The following LAMA1 variants were observed in gnomAD, a reference collection of about 807,000 sequenced individuals.
LAMA1 encodes the protein laminin subunit alpha 1.
In LAMA1, 219 loss-of-function variants were observed where a neutral mutation model predicts 348.7. The ratio of observed to expected loss-of-function variants is 0.63; its 90% CI spans 0.56 to 0.70. The LOEUF (loss-of-function observed/expected upper bound fraction) is 0.70. Ranked by LOEUF, LAMA1 falls within the 30% of genes least tolerant of loss-of-function variation. The pLI is 0.00. For missense variants in LAMA1, 3,744 were observed against 3,888.0 expected (o/e 0.96, Z 0.99); for synonymous variants, 1,487 against 1,491.0 (o/e 1.00, Z 0.06).
intron 1 of LAMA1, among the ~76,000 whole-genome samples, chr18:7,102,461 C>T (rs1471082769): frequency 1.3e-5 from 2 of 152,050 alleles, no homozygotes; most frequent in South Asian, 2.1e-4. Context: ...AATATCACTA[C>T]TCAGCAAATG....
intron 48 of LAMA1, among the ~76,000 whole-genome samples, chr18:6,967,995 C>CACTT (rs2057641413): frequency 6.6e-6 from 1 of 152,144 alleles, no homozygotes; most frequent in Admixed American, 6.5e-5. Flanking sequence ...CCATGTCAGT[C>CACTT]ACTTCCCTGA....
intron 1 of LAMA1, among the ~76,000 whole-genome samples, chr18:7,100,871 G>A (rs760258829): frequency 4.6e-5 from 7 of 152,120 alleles, no homozygotes; most frequent in Non-Finnish European, 8.8e-5. Context: ...TTAGCCAGGG[G>A]TGGTGGCAGG....
rs2057860330 is a variant in LAMA1 at position 7,011,476 on chromosome 18, T to C, written c.3511A>G (p.Thr1171Ala). The change falls in exon 25 of 63, where the codon ACG (threonine) becomes GCG (alanine). Residue 1171 changes from threonine to alanine, a missense_variant. By Grantham distance (58) the Thr-to-Ala change is moderately conservative (BLOSUM62 0). Around this residue, in one of 3 missense-constraint regions of LAMA1, gnomAD observed 1,529 missense variants for 1,689.4 expected, o/e 0.91. Coordinates refer to ENST00000389658, the MANE Select transcript of LAMA1 (RefSeq NM_005559.4). The part of the protein sequence containing the change: ...ELEDYVRTPV[T>A]LGSDQPLLRV... ...AGAAGAGGCTGATCGGAGCCCAGCGTTACCTAAACCACGAAAGGAGGGGAA... is the reference window on the plus strand; with the variant it reads ...AGAAGAGGCTGATCGGAGCCCAGCGCTACCTAAACCACGAAAGGAGGGGAA... 6.2e-7 allele frequency: 1 copy of C among 1,602,630 alleles called. No homozygotes were observed. Among genetic ancestry groups the C allele is most frequent in the Non-Finnish European group, 8.5e-7 (1 of 1,174,866 alleles).
At chr18:7,075,885 C>T (rs988816754) in intron 3 of LAMA1, among the ~76,000 whole-genome samples, 3 of 151,338 alleles carry the variant, frequency 2.0e-5, no homozygotes, top group Non-Finnish European at 4.4e-5. Flanking sequence ...TGCAGTGAGC[C>T]GAGATCACGC....
chr18:6,971,881 C>T lies in LAMA1; in HGVS notation c.6875G>A (p.Gly2292Asp), dbSNP rs763540629. ...IGLWNYIERE[G>D]KCRGCFGSSQ... The stretch of plus-strand genomic sequence containing the variant: ...CCTTCCGAAGCACCCACGGCACTTG[C>T]CTTCCCTTTCAATATAGTTCCATAG... The change falls in exon 48 of 63, where the codon GGC becomes GAC. Residue 2292 changes from glycine to aspartate, a missense_variant. Transcript: ENST00000389658. 1 of 1,614,062 alleles carries T rather than the reference C, an allele frequency of 6.2e-7. No homozygotes were observed. Among genetic ancestry groups the T allele is most frequent in the African/African-American group, 1.3e-5 (1 of 75,000 alleles).
At position 6,992,607 on chromosome 18, in the gene LAMA1, T is replaced by C. The variant is rs1343781157; in HGVS notation, c.5122A>G (p.Ile1708Val). Residue 1708 changes from isoleucine to valine, a missense_variant, in exon 36 of 63, where the codon ATA becomes GTA. Ile to Val is a conservative substitution (Grantham distance 29, BLOSUM62 3). This residue lies in a region of LAMA1 where 1,983 missense variants were observed against 1,934.3 expected (regional missense o/e 1.03). Coordinates refer to ENST00000389658, the MANE Select transcript of LAMA1 (RefSeq NM_005559.4). ...NGTSLLEIMQIRDFTQLHQNA... is the reference protein window; with the variant it reads ...NGTSLLEIMQVRDFTQLHQNA... ...TGGTGCAACTGTGTGAAGTCTCTTA[T>C]CTGCATGATTTCTAGCAAAGATGTA... The C allele has an allele frequency of 2.5e-6, 4 of 1,614,110 alleles. No individual in the cohort carries two copies. The highest frequency in any genetic ancestry group is 3.4e-6 in the Non-Finnish European group (4 of 1,180,030).
Position 7,007,167 on chromosome 18 carries a change from G to A in LAMA1, c.4232C>T (p.Thr1411Ile), listed in dbSNP as rs576114894. 27 of 1,614,168 alleles carry A rather than the reference G, an allele frequency of 1.7e-5. 1 individual carries two copies. In the South Asian group the frequency reaches 3.0e-4, roughly 18 times the overall value. Residue 1411 changes from threonine (T) to isoleucine (I), a missense_variant, in exon 29 of 63, where the codon ACC becomes ATC. By Grantham distance (89) the Thr-to-Ile change is moderately conservative (BLOSUM62 -1). This residue lies in a region of LAMA1 where 1,983 missense variants were observed against 1,934.3 expected (regional missense o/e 1.03). Transcript: ENST00000389658. Reference protein sequence around the residue: ...VPCSCNNHSDTCDPNTGKCLN... With the variant: ...VPCSCNNHSDICDPNTGKCLN... ...ACACTTCCCGGTGTTGGGGTCACAG[G>A]TGTCACTGTGGTTGTTGCAACTGCA... is the stretch of plus-strand genomic sequence containing the variant.
chr18:6,983,499 C>T (rs905713238), intron 39 of LAMA1, among the ~76,000 whole-genome samples: 3 of 152,166 alleles, frequency 2.0e-5, no homozygotes, highest in Admixed American at 6.6e-5. Context: ...TTCCCTTAGA[C>T]GACCATTCAT....
intron 15 of LAMA1, 116 bp from the exon 16 acceptor site, chr18:7,032,292 A>T (rs182945636): frequency 1.4e-6 from 1 of 724,436 alleles, no homozygotes; most frequent in Admixed American, 2.0e-5. Context: ...TATCATTTAC[A>T]TGCTACACAA....
chr18:6,955,264 G>T (rs2057569878), intron 57 of LAMA1, 89 bp downstream of exon 57: 1 of 1,001,278 alleles, frequency 1.0e-6, no homozygotes, highest in Non-Finnish European at 1.5e-6. Context: ...AATAAAAGCA[G>T]GTTCTTTTGG....
chr18:6,977,404 C>T (rs2057687463), intron 44 of LAMA1, among the ~76,000 whole-genome samples: 2 of 152,204 alleles, frequency 1.3e-5, no homozygotes, highest in African/African-American at 2.4e-5. Context: ...GATGTTAACA[C>T]GTAGATTTGA....
At chr18:7,022,379 G>A (rs371293461) in intron 19 of LAMA1, among the ~76,000 whole-genome samples, 5 of 152,170 alleles carry the variant, frequency 3.3e-5, no homozygotes, top group Admixed American at 3.3e-4. Flanking sequence ...GCCAGTCAAG[G>A]TGGCCACCTG....
intron 45 of LAMA1, 30 bp from the exon 46 acceptor site, chr18:6,975,066 T>C (rs761830880): frequency 3.7e-6 from 6 of 1,609,992 alleles, no homozygotes; most frequent in Non-Finnish European, 5.1e-6. Context: ...CGGGGATCAG[T>C]TTACACACTG....
At chr18:7,112,951 AAGT>A (rs1401676402) in intron 1 of LAMA1, among the ~76,000 whole-genome samples, 1 of 152,176 alleles carries the variant, frequency 6.6e-6, no homozygotes, top group Non-Finnish European at 1.5e-5. Context: ...AATATTTTTA[AAGT>A]TACTTGATTC....
At position 6,959,330 on chromosome 18, in the gene LAMA1, C is replaced by T. The variant is rs61608269; in HGVS notation, c.7778+11G>A. On this transcript the variant is annotated intron_variant, in intron 54 of 62. Coordinates refer to ENST00000389658, the MANE Select transcript of LAMA1 (RefSeq NM_005559.4). Reference sequence around the variant, plus strand: ...ACCTTCATTACACACTGCCTGGCCGCGTGCAAGTACCTCCGATTCCTGACC... The same window carrying T: ...ACCTTCATTACACACTGCCTGGCCGTGTGCAAGTACCTCCGATTCCTGACC... 2,617 of 1,614,010 alleles carry T rather than the reference C, an allele frequency of 1.6e-3. 37 individuals are homozygous for T. In the African/African-American group the frequency reaches 0.027, roughly 17 times the overall value.
At position 7,024,387 on chromosome 18, in the gene LAMA1, AC is replaced by A; in HGVS notation, c.2481del (p.Trp827CysfsTer45). 1 of 1,613,870 alleles carries A rather than the reference AC, an allele frequency of 6.2e-7. No homozygotes were observed. The highest frequency in any genetic ancestry group is 8.5e-7 in the Non-Finnish European group (1 of 1,179,816). Reference protein sequence around the residue: ...DWCAPGYSGAWCERCADGYYG... With the variant: ...DWCAPGYSGAXCERCADGYYG... ...CCAGTGGATGCAGAGTACCTCTCAC[AC>A]CAAGCTCCTGAGTAGCCCGGGGCAC... is the stretch of plus-strand genomic sequence containing the variant. On this transcript the variant is annotated frameshift_variant, in exon 18 of 63. Transcript: ENST00000389658. LOFTEE classifies it high-confidence loss of function.
chr18:7,077,199 C>CTTTTTTTTTTT (rs71165719), intron 3 of LAMA1, among the ~76,000 whole-genome samples: 18 of 119,784 alleles, frequency 1.5e-4, no homozygotes, highest in African/African-American at 3.2e-4. Context: ...CTGTTCTTTT[C>CTTTTTTTTTTT]TTTTTTTTTT....
rs770139495 is a variant in LAMA1 at position 7,007,150 on chromosome 18, C to T, written c.4249G>A (p.Gly1417Arg). 20 of 1,613,928 alleles carry T rather than the reference C, an allele frequency of 1.2e-5. No homozygotes were observed. Among genetic ancestry groups the T allele is most frequent in the Admixed American group, 1.0e-4 (6 of 59,982 alleles). The change falls in exon 29 of 63, where the codon GGG becomes AGG. Residue 1417 changes from glycine to arginine, a missense_variant. By Grantham distance (125) the Gly-to-Arg change is moderately radical. Coordinates refer to ENST00000389658, the MANE Select transcript of LAMA1 (RefSeq NM_005559.4). ...NHSDTCDPNT[G>R]KCLNCGDNTA... Reference sequence around the variant, plus strand: ...ACAAACCAGCATACCAGACACTTCCCGGTGTTGGGGTCACAGGTGTCACTG... The same window carrying T: ...ACAAACCAGCATACCAGACACTTCCTGGTGTTGGGGTCACAGGTGTCACTG...
rs1401583893 is a variant in LAMA1, at chr18:7,043,246, C to T, written c.1136G>A (p.Gly379Glu). The change falls in exon 8 of 63, where the codon GGA (glycine) becomes GAA (glutamate). Residue 379 changes from glycine (G) to glutamate (E), a missense_variant. Gly to Glu is a moderately conservative substitution (Grantham distance 98). This residue lies in a region of LAMA1 where 1,529 missense variants were observed against 1,689.4 expected (regional missense o/e 0.91). Transcript: ENST00000389658. ...MGINCETCID[G>E]YYRPHKVSPY... ...TCTTACTTTGTGTGGTCTATAATATCCATCAATACAGGTTTCACAGTTGAT... is the reference window on the plus strand; with the variant it reads ...TCTTACTTTGTGTGGTCTATAATATTCATCAATACAGGTTTCACAGTTGAT... 1 of 1,614,014 alleles carries T rather than the reference C, an allele frequency of 6.2e-7. No individual in the cohort carries two copies. The highest frequency in any genetic ancestry group is 2.2e-5 in the East Asian group (1 of 44,874).
Sources: gnomAD v4.1 joint callset for allele counts (sites outside exome capture counted in the v4.1 genomes callset) on GRCh38, gnomAD v4.1.1 for gene constraint, gnomAD v4.1.1 regional missense constraint, MANE v1.5 for transcripts, NCBI Gene and HGNC (gene_info 2026-07-23, HGNC 2026-07-21) for gene names.